The following BMP2K variants were observed in gnomAD, a reference collection of about 807,000 sequenced individuals.
BMP2K encodes BMP-2-inducible protein kinase.
BMP2K carries 74 observed loss-of-function variants against 116.0 expected under a neutral mutation model. The observed-to-expected ratio is 0.64, with a 90% CI of 0.53 to 0.77. BMP2K has a LOEUF of 0.77. Ranked by LOEUF, BMP2K falls within the 30% of genes least tolerant of loss-of-function variation. BMP2K has a pLI of 0.00. For synonymous variants in BMP2K, 486 were observed against 502.5 expected, an observed-to-expected ratio of 0.97 and a Z score of 0.44; for missense variants, 1,365 against 1,403.6, an observed-to-expected ratio of 0.97 and a Z score of 0.44.
Position 78,776,557 on chromosome 4 carries a change from C to G in BMP2K, c.14C>G (p.Ser5Cys), listed in dbSNP as rs2109907620. MKKF[S>C]RMPKSEGGSG... Reference sequence around the variant, plus strand: ...GCCGGCGGGACCATGAAGAAGTTCTCTCGGATGCCCAAGTCGGAGGGCGGC... The same window carrying G: ...GCCGGCGGGACCATGAAGAAGTTCTGTCGGATGCCCAAGTCGGAGGGCGGC... Residue 5 changes from serine to cysteine, a missense_variant, in exon 1 of 16, where the codon TCT (serine) becomes TGT (cysteine). Ser to Cys is a moderately radical substitution (Grantham distance 112). Around this residue, in one of 3 missense-constraint regions of BMP2K, gnomAD observed 762 missense variants for 756.7 expected, o/e 1.01. Coordinates refer to ENST00000502613, the MANE Select transcript of BMP2K (RefSeq NM_198892.2). 2 of 1,151,600 alleles carry G rather than the reference C, an allele frequency of 1.7e-6. No individual in the cohort carries two copies. Among genetic ancestry groups the G allele is most frequent in the African/African-American group, 1.6e-5 (1 of 61,154 alleles). 71.3% of individuals were successfully genotyped at this position (1,151,600 alleles called of 1,614,324 possible).
chr4:78,899,350 T>C (rs939445416), intron 15 of BMP2K, among the ~76,000 whole-genome samples: 6 of 152,080 alleles, frequency 3.9e-5, no homozygotes, highest in African/African-American at 1.4e-4. Flanking sequence ...AGGGAGAATA[T>C]AGGGTAGGTC....
chr4:78,854,129 G>A (rs1211241674), intron 7 of BMP2K, among the ~76,000 whole-genome samples: 1 of 142,744 alleles, frequency 7.0e-6, no homozygotes, highest in Non-Finnish European at 1.5e-5. Context: ...TCCTTATTTT[G>A]TGCAGTAAGG....
rs751731669 is a variant in BMP2K at position 78,870,946 on chromosome 4, G to GCAGCAGCAGCAGCAT, written c.1403_1404insGCAGCATCAGCAGCA (p.Gln469_Gln470insHisGlnGlnGlnGln). The stretch of plus-strand genomic sequence containing the variant: ...ATCCTCACCAGCAGCAGCAGCAGCA[G>GCAGCAGCAGCAGCAT]CAGCAGCAACAGCAACAGCAGCAGC... On this transcript the variant is annotated inframe_insertion, in exon 11 of 16. Transcript: ENST00000502613. The GCAGCAGCAGCAGCAT allele has an allele frequency of 8.1e-6, 13 of 1,610,652 alleles. 1 individual carries two copies. Among genetic ancestry groups the GCAGCAGCAGCAGCAT allele is most frequent in the Non-Finnish European group, 1.0e-5 (12 of 1,179,096 alleles).
chr4:78,829,782 T>TCTCTTCTC (rs1560518659), intron 2 of BMP2K, among the ~76,000 whole-genome samples: 30 of 64,562 alleles, frequency 4.6e-4, no homozygotes, highest in African/African-American at 1.9e-3. Context: ...TTTCTTTTCT[T>TCTCTTCTC]TTCTTTTCTC....
chr4:78,865,888 C>G (rs1217556829), intron 10 of BMP2K, 168 bp downstream of exon 10: 2 of 674,774 alleles, frequency 3.0e-6, no homozygotes, highest in Non-Finnish European at 4.9e-6. Flanking sequence ...CTCAACAATT[C>G]AATTGTTGTA....
chr4:78,854,298 A>G (rs1202735616), intron 7 of BMP2K, among the ~76,000 whole-genome samples: 1 of 150,928 alleles, frequency 6.6e-6, no homozygotes, highest in Non-Finnish European at 1.5e-5. Context: ...TTTTAAGACC[A>G]TGTCTCACTC....
chr4:78,823,161 G>C (rs1358616251), intron 1 of BMP2K, among the ~76,000 whole-genome samples: 4 of 152,122 alleles, frequency 2.6e-5, no homozygotes, highest in African/African-American at 9.7e-5. Flanking sequence ...GATAAGATCT[G>C]TCTAAATTAG....
chr4:78,818,652 G>A (rs1372710183), intron 1 of BMP2K, among the ~76,000 whole-genome samples: 1 of 152,096 alleles, frequency 6.6e-6, no homozygotes, highest in Non-Finnish European at 1.5e-5. Flanking sequence ...TATGCCTTGG[G>A]CATGGTTAAG....
At chr4:78,909,055 C>G (rs1223660284) in intron 15 of BMP2K, among the ~76,000 whole-genome samples, 2 of 94,392 alleles carry the variant, frequency 2.1e-5, no homozygotes, top group Non-Finnish European at 3.9e-5. Context: ...TTCCCTTAGT[C>G]TTTTTTTTTT....
intron 1 of BMP2K, among the ~76,000 whole-genome samples, chr4:78,777,162 G>T (rs1727289814): frequency 6.6e-6 from 1 of 152,116 alleles, no homozygotes; most frequent in Non-Finnish European, 1.5e-5. Flanking sequence ...AGCCCCTGGT[G>T]TCAAGCTGGG....
chr4:78,801,221 T>C (rs544617214), intron 1 of BMP2K, among the ~76,000 whole-genome samples: 1 of 152,272 alleles, frequency 6.6e-6, no homozygotes, highest in South Asian at 2.1e-4. Context: ...AACCTGAATT[T>C]CTCACCAAGT....
At chr4:78,896,827 C>T (rs760801443) in intron 15 of BMP2K, among the ~76,000 whole-genome samples, 1 of 152,194 alleles carries the variant, frequency 6.6e-6, no homozygotes, top group Non-Finnish European at 1.5e-5. Flanking sequence ...TATCCTTACA[C>T]ATGAACATTT....
Position 78,910,610 on chromosome 4 carries a change from G to A in BMP2K, c.2063G>A (p.Gly688Asp). ...FGSVPFISHS[G>D]SPEKKAEHSS... ...TAATAATATTTATTTGAACTTGCAG[G>A]TTCTCCTGAAAAGAAAGCTGAACAT... Residue 688 changes from glycine to aspartate, a missense_variant and splice_region_variant, in exon 16 of 16, where the codon GGT (glycine) becomes GAT (aspartate). Physicochemically the swap from Gly to Asp is moderately conservative, Grantham distance 94. Transcript: ENST00000502613. 6.6e-7 allele frequency: 1 copy of A among 1,525,244 alleles called. No individual in the cohort carries two copies. Among genetic ancestry groups the A allele is most frequent in the Middle Eastern group, 1.8e-4 (1 of 5,642 alleles). The allele number at this position is 1,525,244 out of a possible 1,614,324, so 94.5% of individuals were successfully genotyped here.
rs187859224 is a variant in BMP2K at position 78,881,626 on chromosome 4, T to C, written c.1951+2735T>C. Among the ~76,000 whole-genome samples, 39 of 152,270 alleles carry C rather than the reference T, an allele frequency of 2.6e-4. 1 individual carries two copies. The highest frequency in any genetic ancestry group is 1.2e-3 in the Admixed American group (19 of 15,290). ...CACCTCTTTCAGAAGCAATAAGATA[T>C]CTAATATTTGATCTATTTGATGAGT... On this transcript the variant is annotated intron_variant, in intron 14 of 15. Coordinates refer to ENST00000502613, the MANE Select transcript of BMP2K (RefSeq NM_198892.2).
chr4:78,788,181 AT>A (rs555096271), intron 1 of BMP2K, among the ~76,000 whole-genome samples: 1 of 151,334 alleles, frequency 6.6e-6, no homozygotes, highest in Non-Finnish European at 1.5e-5. Context: ...TTAATGGTCT[AT>A]TTTTTTATAC....
At chr4:78,859,540 G>T in intron 7 of BMP2K, 44 bp from the exon 8 acceptor site, 1 of 1,316,156 alleles carries the variant, frequency 7.6e-7, no homozygotes, top group Middle Eastern at 1.8e-4. Context: ...GTAGTATAAT[G>T]TGTGTTTCAT....
At chr4:78,898,229 G>A (rs1356769339) in intron 15 of BMP2K, among the ~76,000 whole-genome samples, 1 of 152,038 alleles carries the variant, frequency 6.6e-6, no homozygotes, top group Non-Finnish European at 1.5e-5. Context: ...CCCACCCTGT[G>A]GGCTTTATTA....
At chr4:78,853,702 T>G (rs1416306987) in intron 7 of BMP2K, among the ~76,000 whole-genome samples, 1 of 152,164 alleles carries the variant, frequency 6.6e-6, no homozygotes, top group African/African-American at 2.4e-5. Flanking sequence ...CCCTGTTTGG[T>G]ATGGAACATT....
At chr4:78,809,151 T>C (rs1244776386) in intron 1 of BMP2K, among the ~76,000 whole-genome samples, 5 of 152,232 alleles carry the variant, frequency 3.3e-5, no homozygotes, top group Non-Finnish European at 7.3e-5. Context: ...GTATATATGT[T>C]TGTAATATAT....
Sources: gnomAD v4.1 joint callset for allele counts (sites outside exome capture counted in the v4.1 genomes callset) on GRCh38, gnomAD v4.1.1 for gene constraint, gnomAD v4.1.1 regional missense constraint, MANE v1.5 for transcripts, NCBI Gene and HGNC (gene_info 2026-07-23, HGNC 2026-07-21) for gene names.